The following EXT2 variants were observed in gnomAD, a reference collection of about 807,000 sequenced individuals.
The protein encoded by EXT2 is exostosin-2.
Under a neutral mutation model 81.6 loss-of-function variants are expected in EXT2, and 53 were observed. That is an observed-to-expected ratio of 0.65 (90% CI 0.52 to 0.82). The LOEUF (loss-of-function observed/expected upper bound fraction) is 0.82. EXT2 is among the 40% of genes least tolerant of loss of function. The pLI is 0.00. For missense variants in EXT2, 774 were observed against 910.2 expected (o/e 0.85, Z 1.93); for synonymous variants, 320 against 340.0 (o/e 0.94, Z 0.65).
chr11:44,164,238 A>G (rs6485497), intron 7 of EXT2, among the ~76,000 whole-genome samples: 15,139 of 152,158 alleles, frequency 0.099, 762 homozygotes, highest in Middle Eastern at 0.18. Flanking sequence ...AAATTCCCAT[A>G]TGTTCCTGCG....
intron 10 of EXT2, among the ~76,000 whole-genome samples, chr11:44,209,842 CTTT>C (rs1010844125): frequency 1.1e-4 from 16 of 152,208 alleles, no homozygotes; most frequent in African/African-American, 3.9e-4. Flanking sequence ...GTTATAGTGT[CTTT>C]TTTTCCTTCT....
chr11:44,188,175 A>C (rs1955342601), intron 8 of EXT2, among the ~76,000 whole-genome samples: 1 of 152,202 alleles, frequency 6.6e-6, no homozygotes, highest in Non-Finnish European at 1.5e-5. Context: ...CCCCAAATCA[A>C]AGTGAAACTT....
rs1252667179 is a variant in EXT2 at position 44,248,381 on chromosome 11, T to C, written c.*4094T>C. 6.6e-6 allele frequency among the ~76,000 whole-genome samples: 1 copy of C among 152,234 alleles called. No individual in the cohort carries two copies. Among genetic ancestry groups the C allele is most frequent in the African/African-American group, 2.4e-5 (1 of 41,464 alleles). On this transcript the variant is annotated 3_prime_UTR_variant, in exon 14 of 14. Transcript: ENST00000533608. ...AACTTGAGCTTTCCACTGCAGGGCC[T>C]GGAGGCATATGAAACCTGTGGGGCC...
intron 8 of EXT2, among the ~76,000 whole-genome samples, chr11:44,185,069 C>G (rs934490950): frequency 1.7e-4 from 26 of 152,298 alleles, no homozygotes; most frequent in African/African-American, 5.5e-4. Context: ...CTTCTGTGTA[C>G]TAGTGAGAGA....
At chr11:44,102,826 T>C (rs1432290834) in intron 1 of EXT2, among the ~76,000 whole-genome samples, 3 of 152,218 alleles carry the variant, frequency 2.0e-5, no homozygotes. Flanking sequence ...TATGTTTATG[T>C]GCCTTTTTTG....
At chr11:44,111,875 TATA>T (rs1366580498) in intron 3 of EXT2, among the ~76,000 whole-genome samples, 1 of 151,692 alleles carries the variant, frequency 6.6e-6, no homozygotes, top group Non-Finnish European at 1.5e-5. Flanking sequence ...TGTAACTAAC[TATA>T]ATACTATTAT....
rs1956062079 is a variant in EXT2 at position 44,243,618 on chromosome 11, C to CAT, written c.2019-531_2019-530insAT. ...ATTGTTTGAAATTTGGCCCTGTCAC[C>CAT]TTTTTTTTTTTTTTTTTTTTTTTTT... On this transcript the variant is annotated intron_variant, in intron 13 of 13. Coordinates refer to ENST00000533608, the MANE Select transcript of EXT2 (RefSeq NM_207122.2). Among the ~76,000 whole-genome samples, 6 of 72,894 alleles carry CAT rather than the reference C, an allele frequency of 8.2e-5. No homozygotes were observed. In the Admixed American group the frequency reaches 9.3e-4, roughly 11 times the overall value. 47.8% of individuals were successfully genotyped at this position (72,894 alleles called of 152,430 possible). A position where few individuals can be genotyped will look rare whatever the true frequency, so the allele number is the denominator to read the frequency against.
rs10769018 is a variant in EXT2 at position 44,124,707 on chromosome 11, A to T, written c.744-82A>T. On this transcript the variant is annotated intron_variant, in intron 4 of 13. Transcript: ENST00000533608. ...GACTGGTAAGGAAACACTTACTGTC[A>T]TAAGTTTAATATCAAAGTTTGTCTT... 6,608 of 1,182,810 alleles carry T rather than the reference A, an allele frequency of 5.6e-3. 300 individuals carry two copies. In the African/African-American group the frequency reaches 0.087, roughly 16 times the overall value. The allele number at this position is 1,182,810 out of a possible 1,614,324, so 73.3% of individuals were successfully genotyped here.
intron 8 of EXT2, among the ~76,000 whole-genome samples, chr11:44,195,383 G>A (rs186208158): frequency 3.3e-5 from 5 of 151,850 alleles, no homozygotes; most frequent in South Asian, 2.1e-4. Context: ...GAGGTGAGCC[G>A]AGATTGCACC....
intron 7 of EXT2, among the ~76,000 whole-genome samples, chr11:44,155,229 T>G (rs1406840320): frequency 6.6e-6 from 1 of 152,174 alleles, no homozygotes; most frequent in African/African-American, 2.4e-5. Flanking sequence ...TTTCATGGTT[T>G]GAGATCTTAG....
intron 7 of EXT2, among the ~76,000 whole-genome samples, chr11:44,142,185 A>G (rs541988089): frequency 1.3e-5 from 2 of 152,322 alleles, no homozygotes; most frequent in East Asian, 3.9e-4. Context: ...ATATACTTAC[A>G]TATATTCTGT....
At chr11:44,169,094 C>G (rs971288612) in intron 7 of EXT2, among the ~76,000 whole-genome samples, 1 of 151,968 alleles carries the variant, frequency 6.6e-6, no homozygotes, top group African/African-American at 2.4e-5. Context: ...GTGGTGCGTG[C>G]CTGTAATCCC....
At chr11:44,228,955 A>C (rs1955867607) in intron 10 of EXT2, among the ~76,000 whole-genome samples, 1 of 93,118 alleles carries the variant, frequency 1.1e-5, no homozygotes, top group African/African-American at 3.8e-5. Context: ...GTGTTGACTC[A>C]AAGTAAACAG....
chr11:44,143,778 A>G (rs1954678328), intron 7 of EXT2, among the ~76,000 whole-genome samples: 1 of 152,206 alleles, frequency 6.6e-6, no homozygotes, highest in African/African-American at 2.4e-5. Flanking sequence ...ATGTGTAGTA[A>G]TAATAGTGGA....
chr11:44,192,658 C>T (rs1365919198), intron 8 of EXT2, among the ~76,000 whole-genome samples: 4 of 152,112 alleles, frequency 2.6e-5, no homozygotes, highest in East Asian at 3.9e-4. Context: ...TACATAATCT[C>T]GTTTAATCAT....
chr11:44,201,837 T>C (rs1326896571), intron 9 of EXT2, among the ~76,000 whole-genome samples: 2 of 152,196 alleles, frequency 1.3e-5, no homozygotes, highest in African/African-American at 4.8e-5. Context: ...GAATCAAAAT[T>C]CCATATCAGG....
chr11:44,165,832 T>A (rs1393011385), intron 7 of EXT2, among the ~76,000 whole-genome samples: 2 of 152,184 alleles, frequency 1.3e-5, no homozygotes. Context: ...TGAAAAAGGG[T>A]GATTTTCTAA....
chr11:44,212,256 GC>G (rs1435241012), intron 10 of EXT2, among the ~76,000 whole-genome samples: 2 of 151,550 alleles, frequency 1.3e-5, no homozygotes, highest in African/African-American at 4.9e-5. Context: ...TTGCACTACA[GC>G]CCGGGCGACA....
At chr11:44,129,175 C>T (rs1331196537) in intron 6 of EXT2, among the ~76,000 whole-genome samples, 1 of 152,144 alleles carries the variant, frequency 6.6e-6, no homozygotes, top group East Asian at 1.9e-4. Context: ...CAGTGTTCTC[C>T]AGTTGTTCTC....
Sources: gnomAD v4.1 joint callset for allele counts (sites outside exome capture counted in the v4.1 genomes callset) on GRCh38, gnomAD v4.1.1 for gene constraint, MANE v1.5 for transcripts, NCBI Gene and HGNC (gene_info 2026-07-23, HGNC 2026-07-21) for gene names.